The following ALPP variants were observed in gnomAD, a reference collection of about 807,000 sequenced individuals.
ALPP encodes alkaline phosphatase, placental, also known as alkaline phosphatase, placental type.
Under a neutral mutation model 50.7 loss-of-function variants are expected in ALPP, and 39 were observed. The ratio of observed to expected loss-of-function variants is 0.77; its 90% CI spans 0.60 to 1.00. ALPP has a LOEUF of 1.00. Among genes scored for constraint, ALPP ranks in the 50% least tolerant of loss-of-function variants. ALPP has a pLI of 0.00. For missense variants in ALPP, 550 were observed against 746.8 expected, an observed-to-expected ratio of 0.74 and a Z score of 3.07; for synonymous variants, 226 against 320.3, an observed-to-expected ratio of 0.71 and a Z score of 3.14.
In ALPP at chr2:232,382,243, G is replaced by A; in HGVS notation, c.*448G>A. 1 of 207,924 alleles carries A rather than the reference G, an allele frequency of 4.8e-6. No individual in the cohort carries two copies. Among genetic ancestry groups the A allele is most frequent in the Non-Finnish European group, 9.5e-6 (1 of 104,992 alleles). 12.9% of individuals were successfully genotyped at this position (207,924 alleles called of 1,614,324 possible). A position where few individuals can be genotyped will look rare whatever the true frequency, so the allele number is the denominator to read the frequency against. Reference sequence around the variant, plus strand: ...GAGAAGGGTGGTTTCCTGCCACCCTGCTGGCCAAGGAGGCTCCTGGGGTGG... The same window carrying A: ...GAGAAGGGTGGTTTCCTGCCACCCTACTGGCCAAGGAGGCTCCTGGGGTGG... On this transcript the variant is annotated 3_prime_UTR_variant, in exon 11 of 11. Transcript: ENST00000392027.
Position 232,379,131 on chromosome 2 carries a change from G to C in ALPP, c.193+44G>C, listed in dbSNP as rs186417287. The C allele has an allele frequency of 1.3e-5, 21 of 1,613,906 alleles. 1 individual carries two copies. Among genetic ancestry groups the C allele is most frequent in the Non-Finnish European group, 1.7e-5 (20 of 1,179,990 alleles). ...CCAGCCCTGCAGCCCTCACAGCCCCGGCGCCCGGACCCTCAGTGGTTCCAG... is the reference window on the plus strand; with the variant it reads ...CCAGCCCTGCAGCCCTCACAGCCCCCGCGCCCGGACCCTCAGTGGTTCCAG... On this transcript the variant is annotated intron_variant, in intron 2 of 10. Coordinates refer to ENST00000392027, the MANE Select transcript of ALPP (RefSeq NM_001632.5).
At chr2:232,379,162 C>A in intron 2 of ALPP, 38 bp from the exon 3 acceptor site, 2 of 1,614,074 alleles carry the variant, frequency 1.2e-6, no homozygotes, top group South Asian at 1.1e-5. Flanking sequence ...TCCAGGAGAG[C>A]CCTGGGGCCC....
In ALPP at chr2:232,379,726, AGACGTTGGTCACATATACT is replaced by A; in HGVS notation, c.485-34_485-16del. ...CGCTGCTGGGTCACGGCCAGGTCAC[AGACGTTGGTCACATATACT>A]GACCTCTGACACCCTTAGGGAAGTC... On this transcript the variant is annotated intron_variant, in intron 4 of 10. Coordinates refer to ENST00000392027, the MANE Select transcript of ALPP (RefSeq NM_001632.5). 1.2e-6 allele frequency: 2 copies of A among 1,614,054 alleles called. No homozygotes were observed.
At position 232,380,185 on chromosome 2, in the gene ALPP, G is replaced by A; in HGVS notation, c.658-1G>A. On this transcript the variant is annotated splice_acceptor_variant, in intron 5 of 10. Transcript: ENST00000392027. LOFTEE classifies it high-confidence loss of function. ...CCACCTGCCCCATCCTCTGTTCCCA[G>A]GTGATCCTAGGTGGAGGCCGAAAGT... The A allele has an allele frequency of 6.2e-7, 1 of 1,614,054 alleles. No homozygotes were observed. Among genetic ancestry groups the A allele is most frequent in the South Asian group, 1.1e-5 (1 of 91,076 alleles).
chr2:232,379,748 C>A lies in ALPP; in HGVS notation c.485-16C>A. 6.2e-7 allele frequency: 1 copy of A among 1,614,014 alleles called. No individual in the cohort carries two copies. Among genetic ancestry groups the A allele is most frequent in the Non-Finnish European group, 8.5e-7 (1 of 1,179,990 alleles). ...CACAGACGTTGGTCACATATACTGACCTCTGACACCCTTAGGGAAGTCAGT... is the reference window on the plus strand; with the variant it reads ...CACAGACGTTGGTCACATATACTGAACTCTGACACCCTTAGGGAAGTCAGT... On this transcript the variant is annotated splice_polypyrimidine_tract_variant and intron_variant, in intron 4 of 10. Transcript: ENST00000392027.
rs3207930 is a variant in ALPP, at chr2:232,382,101, C to T, written c.*306C>T. 1.3e-5 allele frequency: 7 copies of T among 520,860 alleles called. No individual in the cohort carries two copies. The highest frequency in any genetic ancestry group is 2.4e-5 in the Non-Finnish European group (7 of 296,328). The allele number at this position is 520,860 out of a possible 1,614,324, so 32.3% of individuals were successfully genotyped here. On this transcript the variant is annotated 3_prime_UTR_variant, in exon 11 of 11. Transcript: ENST00000392027. Reference sequence around the variant, plus strand: ...GCCACCACCTACAGCCCAGTGGGTACCAGGCAGGCTCCCTTCCTGGGGAAA... The same window carrying T: ...GCCACCACCTACAGCCCAGTGGGTATCAGGCAGGCTCCCTTCCTGGGGAAA...
At position 232,380,432 on chromosome 2, in the gene ALPP, G is replaced by A. The variant is rs775059881; in HGVS notation, c.805G>A (p.Val269Met). 20 of 1,613,804 alleles carry A rather than the reference G, an allele frequency of 1.2e-5. No homozygotes were observed. Among genetic ancestry groups the A allele is most frequent in the African/African-American group, 5.3e-5 (4 of 74,884 alleles). Reference protein sequence around the residue: ...WLAKRQGARYVWNRTELMQAS... With the variant: ...WLAKRQGARYMWNRTELMQAS... ...TCCCTCCCCACAGGGTGCCCGGTATGTGTGGAACCGCACTGAGCTCATGCA... is the reference window on the plus strand; with the variant it reads ...TCCCTCCCCACAGGGTGCCCGGTATATGTGGAACCGCACTGAGCTCATGCA... Residue 269 changes from valine (V) to methionine (M), a missense_variant, in exon 7 of 11, where the codon GTG (valine) becomes ATG (methionine). Transcript: ENST00000392027.
At chr2:232,378,909 A>AAC (rs10642925) in intron 1 of ALPP, 31 bp downstream of exon 1, 125,042 of 1,606,792 alleles carry the variant, frequency 0.078, 3,260 homozygotes, top group East Asian at 0.21. Flanking sequence ...GCCCCTACAC[A>AAC]ACACACACAC....
At chr2:232,379,165 T>C in intron 2 of ALPP, 35 bp from the exon 3 acceptor site, 1 of 1,614,034 alleles carries the variant, frequency 6.2e-7, no homozygotes, top group Non-Finnish European at 8.5e-7. Context: ...AGGAGAGCCC[T>C]GGGGCCCAAG....
In ALPP at chr2:232,379,616, C is replaced by G. The variant is rs137880726; in HGVS notation, c.413C>G (p.Ala138Gly). 23 of 1,613,848 alleles carry G rather than the reference C, an allele frequency of 1.4e-5. No individual in the cohort carries two copies. Among genetic ancestry groups the G allele is most frequent in the Non-Finnish European group, 1.8e-5 (21 of 1,180,006 alleles). Reference sequence around the variant, plus strand: ...CAGACCATTGGCTTGAGTGCAGCCGCCCGCTTTAACCAGTGCAACACGACA... The same window carrying G: ...CAGACCATTGGCTTGAGTGCAGCCGGCCGCTTTAACCAGTGCAACACGACA... ...NFQTIGLSAA[A>G]RFNQCNTTRG... is the part of the protein sequence containing the mutation. Residue 138 changes from alanine (A) to glycine (G), a missense_variant, in exon 4 of 11, where the codon GCC becomes GGC. This residue lies in a region of ALPP where 376 missense variants were observed against 388.5 expected (regional missense o/e 0.97). Transcript: ENST00000392027.
intron 10 of ALPP, 37 bp downstream of exon 10, chr2:232,381,404 G>A (rs537525365): frequency 6.2e-7 from 1 of 1,613,834 alleles, no homozygotes; most frequent in South Asian, 1.1e-5. Context: ...GGGGGACCAG[G>A]GTGCCAAGGA....
intron 9 of ALPP, 70 bp from the exon 10 acceptor site, chr2:232,381,181 C>T (rs1189754269): frequency 3.7e-6 from 6 of 1,606,946 alleles, no homozygotes; most frequent in Non-Finnish European, 5.1e-6. Flanking sequence ...CAAAACGTGG[C>T]GGTGCCTAGC....
In ALPP at chr2:232,379,940, C is replaced by T. The variant is rs573678723; in HGVS notation, c.657+4C>T. 1.9e-5 allele frequency: 30 copies of T among 1,600,494 alleles called. No individual in the cohort carries two copies. The highest frequency in any genetic ancestry group is 3.5e-4 in the Middle Eastern group (2 of 5,782). The stretch of plus-strand genomic sequence containing the variant: ...CATCTCCAACATGGACATTGACGTG[C>T]GACCCCCAGGCCAAGGGCTGGGGCT... On this transcript the variant is annotated splice_donor_region_variant and intron_variant, in intron 5 of 10. Transcript: ENST00000392027.
In ALPP at chr2:232,379,294, C is replaced by T; in HGVS notation, c.288C>T (p.Phe96=). ...GPEIPLAMDR[F]PYVALSKTYN... is the part of the protein sequence containing the mutation. ...AGATACCCCTGGCCATGGACCGCTTCCCATATGTGGCTCTGTCCAAGGTAA... is the reference window on the plus strand; with the variant it reads ...AGATACCCCTGGCCATGGACCGCTTTCCATATGTGGCTCTGTCCAAGGTAA... Residue 96 remains phenylalanine (F), a synonymous_variant, in exon 3 of 11, where the codon TTC becomes TTT. Coordinates refer to ENST00000392027, the MANE Select transcript of ALPP (RefSeq NM_001632.5). 1.2e-6 allele frequency: 2 copies of T among 1,614,048 alleles called. No individual in the cohort carries two copies. The highest frequency in any genetic ancestry group is 2.2e-5 in the South Asian group (2 of 91,068).
intron 10 of ALPP, 59 bp from the exon 11 acceptor site, chr2:232,381,438 A>T: frequency 6.2e-7 from 1 of 1,611,950 alleles, no homozygotes; most frequent in Non-Finnish European, 8.5e-7. Context: ...GGAAGGGGTC[A>T]CCTCCTGTCT....
chr2:232,379,842 G>T lies in ALPP; in HGVS notation c.563G>T (p.Arg188Leu). 1 of 1,613,740 alleles carries T rather than the reference G, an allele frequency of 6.2e-7. No individual in the cohort carries two copies. Among genetic ancestry groups the T allele is most frequent in the Non-Finnish European group, 8.5e-7 (1 of 1,179,954 alleles). Residue 188 changes from arginine to leucine, a missense_variant, in exon 5 of 11, where the codon CGC becomes CTC. Around this residue, in one of 5 missense-constraint regions of ALPP, gnomAD observed 376 missense variants for 388.5 expected, o/e 0.97. Transcript: ENST00000392027. ...GGCACCTACGCCCACACGGTGAACC[G>T]CAACTGGTACTCGGACGCCGACGTG... Reference protein sequence around the residue: ...PAGTYAHTVNRNWYSDADVPA... With the variant: ...PAGTYAHTVNLNWYSDADVPA...
intron 10 of ALPP, 63 bp from the exon 11 acceptor site, chr2:232,381,434 G>T: frequency 6.2e-7 from 1 of 1,612,386 alleles, no homozygotes; most frequent in Non-Finnish European, 8.5e-7. Context: ...GGCGGGAAGG[G>T]GTCACCTCCT....
intron 4 of ALPP, 38 bp from the exon 5 acceptor site, chr2:232,379,726 A>C: frequency 6.2e-7 from 1 of 1,614,054 alleles, no homozygotes. Flanking sequence ...GCCAGGTCAC[A>C]GACGTTGGTC....
rs1049147 is a variant in ALPP at position 232,382,413 on chromosome 2, T to G, written c.*618T>G. 1 of 153,490 alleles carries G rather than the reference T, an allele frequency of 6.5e-6. No homozygotes were observed. Among genetic ancestry groups the G allele is most frequent in the Non-Finnish European group, 1.4e-5 (1 of 69,198 alleles). The allele number at this position is 153,490 out of a possible 1,614,324, so 9.5% of individuals were successfully genotyped here. ...TTCTCAGACGTTCCATACCCCCACA[T>G]GCCAATTTCAGCACCCAACTGAGAT... is the stretch of plus-strand genomic sequence containing the variant. On this transcript the variant is annotated 3_prime_UTR_variant, in exon 11 of 11. Coordinates refer to ENST00000392027, the MANE Select transcript of ALPP (RefSeq NM_001632.5).
Sources: allele counts gnomAD v4.1 joint callset, GRCh38; gene constraint gnomAD v4.1.1; regional missense constraint gnomAD v4.1.1; transcripts MANE v1.5; gene names NCBI Gene and HGNC (gene_info 2026-07-23, HGNC 2026-07-21).